The following EIF2A variants were observed in gnomAD, a reference collection of about 807,000 sequenced individuals.
EIF2A encodes the protein eukaryotic translation initiation factor 2A.
EIF2A carries 62 observed loss-of-function variants against 75.2 expected under a neutral mutation model. The ratio of observed to expected loss-of-function variants is 0.82; its 90% CI spans 0.67 to 1.02. The LOEUF (loss-of-function observed/expected upper bound fraction) is 1.02, where lower values mean the gene tolerates loss of function less well. EIF2A is among the 50% of genes least tolerant of loss of function. EIF2A has a pLI of 0.00. For synonymous variants in EIF2A, 207 were observed against 239.0 expected (o/e 0.87, Z 1.23); for missense variants, 611 against 677.7 (o/e 0.90, Z 1.09).
Position 150,584,168 on chromosome 3 carries a change from T to A in EIF2A, c.*257T>A. On this transcript the variant is annotated 3_prime_UTR_variant, in exon 14 of 14. Transcript: ENST00000460851. ...AATTTTTTAGCTAAGCTTGACAGATTGAAAGACAAGTGTCATTTTTTTTTG... is the reference window on the plus strand; with the variant it reads ...AATTTTTTAGCTAAGCTTGACAGATAGAAAGACAAGTGTCATTTTTTTTTG... The A allele has an allele frequency of 3.0e-6, 1 of 338,560 alleles. No individual in the cohort carries two copies. The highest frequency in any genetic ancestry group is 5.3e-6 in the Non-Finnish European group (1 of 188,762). 21.0% of individuals were successfully genotyped at this position (338,560 alleles called of 1,614,324 possible). A position where few individuals can be genotyped will look rare whatever the true frequency, so the allele number is the denominator to read the frequency against.
At chr3:150,564,266 T>C in intron 5 of EIF2A, 33 bp from the exon 6 acceptor site, 1 of 1,476,070 alleles carries the variant, frequency 6.8e-7, no homozygotes, top group African/African-American at 1.4e-5. Flanking sequence ...GTCTGAATAT[T>C]TTTTATACTT....
intron 9 of EIF2A, among the ~76,000 whole-genome samples, chr3:150,568,591 T>C (rs1055504027): frequency 6.6e-6 from 1 of 152,160 alleles, no homozygotes; most frequent in Non-Finnish European, 1.5e-5. Flanking sequence ...TGACGGCAAA[T>C]TGCTTAATAC....
In EIF2A at chr3:150,563,629, T is replaced by A. The variant is rs1181387638; in HGVS notation, c.392+15T>A. ...ATGCAAAATTGGTAAATAAATGGCT[T>A]AAAATACTAATTTTTTACATAGTAT... On this transcript the variant is annotated intron_variant, in intron 5 of 13. Coordinates refer to ENST00000460851, the MANE Select transcript of EIF2A (RefSeq NM_032025.5). 1.3e-6 allele frequency: 2 copies of A among 1,482,488 alleles called. No individual in the cohort carries two copies. The highest frequency in any genetic ancestry group is 5.0e-5 in the Admixed American group (2 of 39,892). 91.8% of individuals were successfully genotyped at this position (1,482,488 alleles called of 1,614,324 possible).
chr3:150,565,109 C>T (rs930756500), intron 6 of EIF2A: 1 of 443,458 alleles, frequency 2.3e-6, no homozygotes, highest in African/African-American at 2.0e-5. Flanking sequence ...ATTTGTCTTT[C>T]ACGTTTTCCC....
chr3:150,549,546 T>A (rs538369182), intron 1 of EIF2A, among the ~76,000 whole-genome samples: 7 of 152,280 alleles, frequency 4.6e-5, no homozygotes, highest in African/African-American at 1.7e-4. Flanking sequence ...ATCTGTAGGT[T>A]CTTGCTTTCC....
At chr3:150,554,031 G>A (rs974257418) in intron 2 of EIF2A, among the ~76,000 whole-genome samples, 9 of 152,140 alleles carry the variant, frequency 5.9e-5, no homozygotes, top group African/African-American at 2.2e-4. Flanking sequence ...CTAGGTCTGG[G>A]ACAGAAAATG....
intron 2 of EIF2A, among the ~76,000 whole-genome samples, chr3:150,553,263 C>T (rs1723402537): frequency 7.1e-6 from 1 of 141,480 alleles, no homozygotes; most frequent in Admixed American, 7.4e-5. Context: ...GTGGAGGTTG[C>T]AGTGAGCCAA....
Position 150,567,729 on chromosome 3 carries a change from A to G in EIF2A, c.512A>G (p.Asn171Ser). The G allele has an allele frequency of 6.4e-7, 1 of 1,555,416 alleles. No individual in the cohort carries two copies. Among genetic ancestry groups the G allele is most frequent in the Non-Finnish European group, 8.7e-7 (1 of 1,148,776 alleles). ...IANKLHLQKI[N>S]DFVLSPGPQP... ...AATAAATTGCATTTGCAAAAAATTA[A>G]TGATTTTGTATTATCACCTGGACCC... The change falls in exon 7 of 14, where the codon AAT becomes AGT. Residue 171 changes from asparagine (N) to serine (S), a missense_variant. Physicochemically the swap from Asn to Ser is conservative, Grantham distance 46. Transcript: ENST00000460851.
At chr3:150,565,328 A>T (rs1724113523) in intron 6 of EIF2A, 3 of 400,694 alleles carry the variant, frequency 7.5e-6, no homozygotes, top group Non-Finnish European at 1.5e-5. Flanking sequence ...AGCTGACATT[A>T]ATGTTTCATG....
chr3:150,582,232 C>T (rs1292385897), intron 12 of EIF2A, among the ~76,000 whole-genome samples: 1 of 151,890 alleles, frequency 6.6e-6, no homozygotes, highest in African/African-American at 2.4e-5. Context: ...AACTCCTGCC[C>T]TCAGGTAATC....
intron 1 of EIF2A, among the ~76,000 whole-genome samples, chr3:150,550,641 G>T (rs866290211): frequency 6.6e-5 from 10 of 152,156 alleles, no homozygotes; most frequent in Non-Finnish European, 1.2e-4. Context: ...TGCTTGAGCT[G>T]AGGAGTTTAA....
intron 6 of EIF2A, among the ~76,000 whole-genome samples, chr3:150,565,398 C>G (rs1163995595): frequency 6.6e-6 from 1 of 152,170 alleles, no homozygotes; most frequent in East Asian, 1.9e-4. Flanking sequence ...TTTTCTCCCT[C>G]ACTTATTTTT....
At chr3:150,561,380 C>T (rs1723843667) in intron 3 of EIF2A, among the ~76,000 whole-genome samples, 1 of 152,186 alleles carries the variant, frequency 6.6e-6, no homozygotes, top group Non-Finnish European at 1.5e-5. Context: ...GAGTTCAAGG[C>T]CAGCCTGGCC....
rs1723947278 is a variant in EIF2A at position 150,562,583 on chromosome 3, C to T, written c.215C>T (p.Ser72Phe). 1.2e-6 allele frequency: 2 copies of T among 1,613,558 alleles called. No homozygotes were observed. The highest frequency in any genetic ancestry group is 2.2e-5 in the South Asian group (2 of 91,034). The change falls in exon 4 of 14, where the codon TCC becomes TTC. Residue 72 changes from serine (S) to phenylalanine (F), a missense_variant. Coordinates refer to ENST00000460851, the MANE Select transcript of EIF2A (RefSeq NM_032025.5). ...ISVTNKGLLH[S>F]FDLLKAVCLE... ...GTCACTAACAAGGGACTACTGCACTCCTTCGACCTCCTGAAGGCAGTTTGC... is the reference window on the plus strand; with the variant it reads ...GTCACTAACAAGGGACTACTGCACTTCTTCGACCTCCTGAAGGCAGTTTGC...
intron 9 of EIF2A, among the ~76,000 whole-genome samples, chr3:150,570,714 T>A (rs1724458651): frequency 1.3e-5 from 2 of 152,048 alleles, no homozygotes; most frequent in Non-Finnish European, 2.9e-5. Context: ...GATAAAAATA[T>A]GAAACTACAC....
rs141413901 is a variant in EIF2A, at chr3:150,552,465, C to T, written c.98+40C>T. 1.9e-5 allele frequency: 28 copies of T among 1,496,554 alleles called. No homozygotes were observed. In the African/African-American group the frequency reaches 3.2e-4, roughly 17 times the overall value. 92.7% of individuals were successfully genotyped at this position (1,496,554 alleles called of 1,614,324 possible). On this transcript the variant is annotated intron_variant, in intron 2 of 13. Transcript: ENST00000460851. ...GTTAAGTAATGTTATAGGGAACATA[C>T]AGTACAATCTAAAATGGTTTTGTTG...
At position 150,562,732 on chromosome 3, in the gene EIF2A, A is replaced by C. The variant is rs140435159; in HGVS notation, c.292+72A>C. ...TTTAGTGGGGGGGAAAAAGTTATAA[A>C]GTTTATAACCTCATAAGAAAGTAAT... On this transcript the variant is annotated intron_variant, in intron 4 of 13. Coordinates refer to ENST00000460851, the MANE Select transcript of EIF2A (RefSeq NM_032025.5). 2,072 of 1,131,336 alleles carry C rather than the reference A, an allele frequency of 1.8e-3. 2 individuals carry two copies. The highest frequency in any genetic ancestry group is 2.5e-3 in the Non-Finnish European group (1,948 of 778,292). 70.1% of individuals were successfully genotyped at this position (1,131,336 alleles called of 1,614,324 possible).
chr3:150,569,193 A>C (rs1403578386), intron 9 of EIF2A, among the ~76,000 whole-genome samples: 1 of 152,222 alleles, frequency 6.6e-6, no homozygotes, highest in Non-Finnish European at 1.5e-5. Flanking sequence ...GAAAGAAAAC[A>C]AAATCATCTC....
At chr3:150,579,097 A>G (rs1725033003) in intron 11 of EIF2A, among the ~76,000 whole-genome samples, 1 of 152,208 alleles carries the variant, frequency 6.6e-6, no homozygotes, top group Non-Finnish European at 1.5e-5. Context: ...GGTTTTTCAC[A>G]TGATAAGATT....
Sources: allele counts gnomAD v4.1 joint callset (sites outside exome capture counted in the v4.1 genomes callset), GRCh38; gene constraint gnomAD v4.1.1; transcripts MANE v1.5; gene names NCBI Gene and HGNC (gene_info 2026-07-23, HGNC 2026-07-21).